The following SRPK2 variants were observed in gnomAD, a reference collection of about 807,000 sequenced individuals.
SRPK2 encodes the protein SRSF protein kinase 2, also known as SFRS protein kinase 2.
A neutral mutation model predicts 90.8 loss-of-function variants in SRPK2; 21 were observed. The observed-to-expected ratio is 0.23, with a 90% CI of 0.16 to 0.33. SRPK2 has a LOEUF of 0.33. SRPK2 is among the 10% of genes least tolerant of loss of function. The probability of loss-of-function intolerance (pLI) is 1.00; values close to 1 mark genes in which losing one functional copy is unlikely to be tolerated. For synonymous variants in SRPK2, 288 were observed against 311.1 expected, an observed-to-expected ratio of 0.93 and a Z score of 0.78; for missense variants, 620 against 869.0, an observed-to-expected ratio of 0.71 and a Z score of 3.60.
intron 2 of SRPK2, among the ~76,000 whole-genome samples, chr7:105,331,308 C>CAAAAAAAAAAAAAAAAAAAAAAAAAAAA (rs57653042): frequency 4.4e-5 from 2 of 45,106 alleles, no homozygotes; most frequent in East Asian, 9.4e-4. Context: ...GACTCCGTCT[C>CAAAAAAAAAAAAAAAAAAAAAAAAAAAA]AAAAAAAAAA....
chr7:105,218,535 A>C (rs915906167), intron 2 of SRPK2, among the ~76,000 whole-genome samples: 1 of 152,228 alleles, frequency 6.6e-6, no homozygotes, highest in Non-Finnish European at 1.5e-5. Context: ...AGGAAAGTAG[A>C]TACAAATAGA....
At chr7:105,140,352 G>A (rs1584925636) in intron 11 of SRPK2, among the ~76,000 whole-genome samples, 1 of 152,184 alleles carries the variant, frequency 6.6e-6, no homozygotes, top group African/African-American at 2.4e-5. Flanking sequence ...CGTAATCCCA[G>A]CACTTTGGGA....
At chr7:105,270,410 C>CTT (rs34076915) in intron 2 of SRPK2, among the ~76,000 whole-genome samples, 22 of 141,442 alleles carry the variant, frequency 1.6e-4, no homozygotes, top group Admixed American at 1.3e-3. Flanking sequence ...CTCCTCTGCC[C>CTT]TTTTTTTTTT....
rs138361665 is a variant in SRPK2 at position 105,120,856 on chromosome 7, G to A, written c.1916-2834C>T. Among the ~76,000 whole-genome samples, 445 of 152,242 alleles carry A rather than the reference G, an allele frequency of 2.9e-3. 1 individual carries two copies. The highest frequency in any genetic ancestry group is 5.2e-3 in the Non-Finnish European group (355 of 68,020). Reference sequence around the variant, plus strand: ...CCCAACTCTGTATCTATTGCTAGGAGACACAACAAGAGTGGGCTCACTGAA... The same window carrying A: ...CCCAACTCTGTATCTATTGCTAGGAAACACAACAAGAGTGGGCTCACTGAA... On this transcript the variant is annotated intron_variant, in intron 15 of 15. Transcript: ENST00000393651.
At chr7:105,387,889 G>A (rs553305828) in intron 2 of SRPK2, among the ~76,000 whole-genome samples, 1 of 152,232 alleles carries the variant, frequency 6.6e-6, no homozygotes, top group Admixed American at 6.5e-5. Flanking sequence ...GCTCGGGTGA[G>A]CGGCCAGGCT....
At chr7:105,196,619 G>A (rs368042009) in intron 3 of SRPK2, among the ~76,000 whole-genome samples, 11 of 152,204 alleles carry the variant, frequency 7.2e-5, no homozygotes, top group East Asian at 3.8e-4. Flanking sequence ...GGTCAAAACC[G>A]CACCCAGCGA....
At chr7:105,256,109 A>G (rs545848085) in intron 2 of SRPK2, among the ~76,000 whole-genome samples, 1 of 152,318 alleles carries the variant, frequency 6.6e-6, no homozygotes, top group African/African-American at 2.4e-5. Flanking sequence ...CACACCTGTG[A>G]GCATCAAGAT....
At chr7:105,230,168 AC>A (rs1161033803) in intron 2 of SRPK2, among the ~76,000 whole-genome samples, 9 of 152,218 alleles carry the variant, frequency 5.9e-5, no homozygotes, top group African/African-American at 1.9e-4. Flanking sequence ...GCCCAAAACC[AC>A]AGAGTCCTTT....
chr7:105,203,940 C>G (rs1795879851), intron 2 of SRPK2, among the ~76,000 whole-genome samples, 155 bp from the exon 3 acceptor site: 1 of 149,986 alleles, frequency 6.7e-6, no homozygotes, highest in South Asian at 2.1e-4. Flanking sequence ...TAGTTGAATT[C>G]AAGTAGTGTT....
intron 2 of SRPK2, among the ~76,000 whole-genome samples, chr7:105,282,504 A>T (rs1807476865): frequency 6.6e-6 from 1 of 152,240 alleles, no homozygotes; most frequent in Non-Finnish European, 1.5e-5. Flanking sequence ...TTTGTGCATT[A>T]AAAGACATTA....
intron 2 of SRPK2, among the ~76,000 whole-genome samples, chr7:105,324,930 C>G (rs1366124511): frequency 4.6e-5 from 7 of 152,100 alleles, no homozygotes; most frequent in Admixed American, 4.6e-4. Flanking sequence ...CATTAATACT[C>G]AATAGTCCTA....
Position 105,116,621 on chromosome 7 carries a change from T to C in SRPK2, c.*1217A>G, listed in dbSNP as rs1289169869. ...TACCTCTATATATTACATTCTAAAA[T>C]TGTATTGCCTACTATGGTTTGTATC... On this transcript the variant is annotated 3_prime_UTR_variant, in exon 16 of 16. Transcript: ENST00000393651. 1 of 152,622 alleles carries C rather than the reference T, an allele frequency of 6.6e-6. No individual in the cohort carries two copies. The highest frequency in any genetic ancestry group is 1.5e-5 in the Non-Finnish European group (1 of 68,020). 9.5% of individuals were successfully genotyped at this position (152,622 alleles called of 1,614,324 possible). A position where few individuals can be genotyped will look rare whatever the true frequency, so the allele number is the denominator to read the frequency against.
intron 2 of SRPK2, among the ~76,000 whole-genome samples, chr7:105,236,621 A>C (rs1277981549): frequency 6.6e-6 from 1 of 152,090 alleles, no homozygotes; most frequent in Admixed American, 6.5e-5. Flanking sequence ...CAAGATGAGA[A>C]ATTCAGAAAT....
intron 2 of SRPK2, among the ~76,000 whole-genome samples, chr7:105,212,815 C>G (rs1797019282): frequency 6.6e-6 from 1 of 152,176 alleles, no homozygotes; most frequent in African/African-American, 2.4e-5. Context: ...GCTCTGTATC[C>G]ATGCATTCCG....
intron 2 of SRPK2, among the ~76,000 whole-genome samples, chr7:105,248,849 C>G (rs1285022177): frequency 6.6e-6 from 1 of 151,628 alleles, no homozygotes; most frequent in Non-Finnish European, 1.5e-5. Context: ...CGGCGTGAAC[C>G]CGGGAGGCAG....
intron 2 of SRPK2, among the ~76,000 whole-genome samples, chr7:105,278,700 G>C (rs1806851716): frequency 6.8e-6 from 1 of 146,282 alleles, no homozygotes. Flanking sequence ...GAAAGAAAAA[G>C]AAGAAAGGAA....
chr7:105,345,195 G>A (rs1471857262), intron 2 of SRPK2, among the ~76,000 whole-genome samples: 1 of 147,344 alleles, frequency 6.8e-6, no homozygotes, highest in Non-Finnish European at 1.5e-5. Context: ...GAGGGGAGGG[G>A]AGGGGAGGGG....
intron 2 of SRPK2, among the ~76,000 whole-genome samples, chr7:105,276,086 T>TA (rs1563180491): frequency 3.0e-4 from 42 of 141,672 alleles, no homozygotes; most frequent in African/African-American, 1.1e-3. Flanking sequence ...ATATATATAT[T>TA]TTTTTTTTTT....
At chr7:105,128,274 C>G (rs1801492259) in intron 13 of SRPK2, among the ~76,000 whole-genome samples, 1 of 152,220 alleles carries the variant, frequency 6.6e-6, no homozygotes, top group East Asian at 1.9e-4. Flanking sequence ...ACTCAGGATC[C>G]CTGCCCTGAA....
Sources: allele counts gnomAD v4.1 joint callset (sites outside exome capture counted in the v4.1 genomes callset), GRCh38; gene constraint gnomAD v4.1.1; transcripts MANE v1.5; gene names NCBI Gene and HGNC (gene_info 2026-07-23, HGNC 2026-07-21).